Variants in ATRN observed in about 807,000 individuals in gnomAD.
The protein encoded by ATRN is attractin.
ATRN carries 54 observed loss-of-function variants against 178.7 expected under a neutral mutation model. That is an observed-to-expected ratio of 0.30 (90% CI 0.24 to 0.38). The LOEUF (loss-of-function observed/expected upper bound fraction) is 0.38, where lower values mean the gene tolerates loss of function less well. ATRN is among the 10% of genes least tolerant of loss of function. The pLI is 1.00. For missense variants in ATRN, 1,443 were observed against 1,815.1 expected (o/e 0.79, Z 3.73); for synonymous variants, 636 against 663.0 (o/e 0.96, Z 0.63).
intron 25 of ATRN, among the ~76,000 whole-genome samples, chr20:3,633,007 G>A (rs1249144610): frequency 6.6e-6 from 1 of 152,176 alleles, no homozygotes; most frequent in East Asian, 1.9e-4. Context: ...GCGCACACCT[G>A]TAGTCCAAGC....
chr20:3,644,809 C>T (rs889177319), intron 28 of ATRN, among the ~76,000 whole-genome samples: 2 of 152,218 alleles, frequency 1.3e-5, no homozygotes, highest in Non-Finnish European at 2.9e-5. Context: ...AAGGAAACGT[C>T]TGAAAATCCA....
intron 19 of ATRN, among the ~76,000 whole-genome samples, chr20:3,593,809 A>C (rs960594980): frequency 3.9e-5 from 6 of 152,240 alleles, no homozygotes; most frequent in Non-Finnish European, 8.8e-5. Flanking sequence ...AAAGGCTTTC[A>C]CTTTTTTCAA....
At chr20:3,635,784 T>C (rs1208984797) in intron 26 of ATRN, among the ~76,000 whole-genome samples, 2 of 152,068 alleles carry the variant, frequency 1.3e-5, no homozygotes, top group Non-Finnish European at 2.9e-5. Flanking sequence ...GATGATGTTA[T>C]CATAGAGGGA....
rs1555821615 is a variant in ATRN at position 3,588,987 on chromosome 20, T to TTTTG, written c.3185-2179_3185-2178insGTTT. On this transcript the variant is annotated intron_variant, in intron 18 of 28. Coordinates refer to ENST00000262919, the MANE Select transcript of ATRN (RefSeq NM_139321.3). ...GTTCGTAGTATTTTCTTTTGTTTTT[T>TTTTG]TTTTTTTTTTTTTGAGACAGAGTCT... Among the ~76,000 whole-genome samples, 87 of 135,002 alleles carry TTTTG rather than the reference T, an allele frequency of 6.4e-4. 1 individual carries two copies. Among genetic ancestry groups the TTTTG allele is most frequent in the Admixed American group, 2.7e-3 (37 of 13,564 alleles). The allele number at this position is 135,002 out of a possible 152,430, so 88.6% of individuals were successfully genotyped here. A position where few individuals can be genotyped will look rare whatever the true frequency, so the allele number is the denominator to read the frequency against.
chr20:3,536,190 A>C (rs1243755888), intron 2 of ATRN, among the ~76,000 whole-genome samples: 1 of 151,858 alleles, frequency 6.6e-6, no homozygotes, highest in African/African-American at 2.4e-5. Context: ...GAGGATTCCA[A>C]ATAAGTTTAT....
At chr20:3,584,922 G>A (rs2086336888) in intron 18 of ATRN, 42 bp downstream of exon 18, 1 of 1,562,200 alleles carries the variant, frequency 6.4e-7, no homozygotes, top group Non-Finnish European at 8.8e-7. Context: ...TTTCACTACT[G>A]ATTTATGAAG....
In ATRN at chr20:3,582,205, T is replaced by C. The variant is rs776958660; in HGVS notation, c.2615T>C (p.Met872Thr). Residue 872 changes from methionine to threonine, a missense_variant, in exon 16 of 29, where the codon ATG (methionine) becomes ACG (threonine). Physicochemically the swap from Met to Thr is moderately conservative, Grantham distance 81. Around this residue, in one of 4 missense-constraint regions of ATRN, gnomAD observed 212 missense variants for 330.7 expected, o/e 0.64. Coordinates refer to ENST00000262919, the MANE Select transcript of ATRN (RefSeq NM_139321.3). ...GTGTCCTACTGGTGCTGGGAAGATA[T>C]GTCCCCATTTACAAATAGTTTACTA... Reference protein sequence around the residue: ...INVSYWCWEDMSPFTNSLLQW... With the variant: ...INVSYWCWEDTSPFTNSLLQW... 2.5e-6 allele frequency: 4 copies of C among 1,614,196 alleles called. No homozygotes were observed. The highest frequency in any genetic ancestry group is 2.5e-6 in the Non-Finnish European group (3 of 1,180,030).
intron 24 of ATRN, among the ~76,000 whole-genome samples, chr20:3,612,577 C>T (rs758158041): frequency 1.3e-5 from 2 of 151,992 alleles, no homozygotes; most frequent in Non-Finnish European, 2.9e-5. Flanking sequence ...TTCTCCGATC[C>T]GAAAGAGGTT....
At chr20:3,480,396 A>G (rs116643333) in intron 1 of ATRN, among the ~76,000 whole-genome samples, 62 of 152,276 alleles carry the variant, frequency 4.1e-4, no homozygotes, top group African/African-American at 1.5e-3. Flanking sequence ...TTGCTGCTGT[A>G]AGGAATTCAC....
At chr20:3,490,000 G>T in intron 1 of ATRN, 1 of 985,718 alleles carries the variant, frequency 1.0e-6, no homozygotes, top group Non-Finnish European at 1.6e-6. Flanking sequence ...GCATTTTCAT[G>T]AGTGAGATGT....
At position 3,646,775 on chromosome 20, in the gene ATRN, G is replaced by C. The variant is rs373572320; in HGVS notation, c.4218G>C (p.Val1406=). Residue 1406 remains valine (V), a synonymous_variant, in exon 29 of 29, where the codon GTG becomes GTC. Coordinates refer to ENST00000262919, the MANE Select transcript of ATRN (RefSeq NM_139321.3). ...ACATTTCTCAGCAGATGCCGATAGT[G>C]TACAAGGAGAAGTCAGGAGCCGTGA... is the stretch of plus-strand genomic sequence containing the variant. The part of the protein sequence containing the change: ...LVDISQQMPI[V]YKEKSGAVRN... The C allele has an allele frequency of 6.2e-7, 1 of 1,609,204 alleles. No homozygotes were observed. The highest frequency in any genetic ancestry group is 2.2e-5 in the East Asian group (1 of 44,724).
At chr20:3,561,249 G>C (rs2085948710) in intron 8 of ATRN, among the ~76,000 whole-genome samples, 1 of 152,162 alleles carries the variant, frequency 6.6e-6, no homozygotes, top group Non-Finnish European at 1.5e-5. Flanking sequence ...CTTGAACCCG[G>C]GAGGTGGAGG....
intron 1 of ATRN, among the ~76,000 whole-genome samples, chr20:3,517,724 C>T (rs112944886): frequency 2.0e-4 from 31 of 151,366 alleles, no homozygotes; most frequent in African/African-American, 6.3e-4. Flanking sequence ...TCAGCCAACA[C>T]GGTGCCACTG....
At chr20:3,614,002 A>G (rs898308985) in intron 24 of ATRN, among the ~76,000 whole-genome samples, 7 of 152,226 alleles carry the variant, frequency 4.6e-5, no homozygotes, top group African/African-American at 2.4e-5. Context: ...AACCAATCCC[A>G]GGATTCTTTT....
chr20:3,471,118 C>T lies in ATRN; in HGVS notation c.11C>T (p.Ala4Val), dbSNP rs1209454557. Residue 4 changes from alanine (A) to valine (V), a missense_variant, in exon 1 of 29, where the codon GCA becomes GTA. Ala to Val is a moderately conservative substitution (Grantham distance 64, BLOSUM62 0). Transcript: ENST00000262919. MVAAAAATEARLRR... is the reference protein window; with the variant it reads MVAVAAATEARLRR... ...CTCAGCCCCGGGAAGATGGTGGCTG[C>T]AGCGGCGGCAACTGAGGCAAGGCTG... The T allele has an allele frequency of 6.6e-7, 1 of 1,510,910 alleles. No homozygotes were observed. The highest frequency in any genetic ancestry group is 8.8e-7 in the Non-Finnish European group (1 of 1,136,340). The allele number at this position is 1,510,910 out of a possible 1,614,324, so 93.6% of individuals were successfully genotyped here. A position where few individuals can be genotyped will look rare whatever the true frequency, so the allele number is the denominator to read the frequency against.
intron 1 of ATRN, among the ~76,000 whole-genome samples, chr20:3,497,796 C>T (rs1163290845): frequency 6.6e-6 from 1 of 152,172 alleles, no homozygotes; most frequent in East Asian, 1.9e-4. Flanking sequence ...CTTTCAGGTA[C>T]ACCAATCAGA....
chr20:3,477,800 T>C (rs2084550009), intron 1 of ATRN, among the ~76,000 whole-genome samples: 2 of 152,372 alleles, frequency 1.3e-5, no homozygotes, highest in South Asian at 2.1e-4. Context: ...CTTATGACTT[T>C]TAAAAAAGTC....
intron 1 of ATRN, among the ~76,000 whole-genome samples, chr20:3,495,397 C>A (rs2084864431): frequency 6.6e-6 from 1 of 152,164 alleles, no homozygotes; most frequent in Admixed American, 6.6e-5. Flanking sequence ...AGGGCCACAT[C>A]ATCTGTATTT....
chr20:3,541,284 A>G (rs540097254), intron 3 of ATRN, among the ~76,000 whole-genome samples: 1 of 151,892 alleles, frequency 6.6e-6, no homozygotes, highest in Admixed American at 6.5e-5. Context: ...TCACCGTGTT[A>G]GCCAGGATGG....
Sources: gnomAD v4.1 joint callset for allele counts (sites outside exome capture counted in the v4.1 genomes callset) on GRCh38, gnomAD v4.1.1 for gene constraint, gnomAD v4.1.1 regional missense constraint, MANE v1.5 for transcripts, NCBI Gene and HGNC (gene_info 2026-07-23, HGNC 2026-07-21) for gene names.